Variants in EXT2 observed in about 807,000 individuals in gnomAD.
The protein encoded by EXT2 is exostosin-2.
In EXT2, 53 loss-of-function variants were observed where a neutral mutation model predicts 81.6. That is an observed-to-expected ratio of 0.65 (90% CI 0.52 to 0.82). EXT2 has a LOEUF of 0.82. Among genes scored for constraint, EXT2 ranks in the 40% least tolerant of loss-of-function variants. The pLI is 0.00. For synonymous variants in EXT2, 320 were observed against 340.0 expected, an observed-to-expected ratio of 0.94 and a Z score of 0.65; for missense variants, 774 against 910.2, an observed-to-expected ratio of 0.85 and a Z score of 1.93.
At chr11:44,181,340 G>T (rs1262846777) in intron 8 of EXT2, among the ~76,000 whole-genome samples, 2 of 152,044 alleles carry the variant, frequency 1.3e-5, no homozygotes, top group South Asian at 2.1e-4. Flanking sequence ...ATGATGATAC[G>T]CCCTGACGTG....
intron 8 of EXT2, among the ~76,000 whole-genome samples, chr11:44,189,708 A>C (rs1216418565): frequency 1.3e-5 from 2 of 152,224 alleles, no homozygotes. Flanking sequence ...TGGGGATTAC[A>C]ATTCAATGTG....
intron 7 of EXT2, among the ~76,000 whole-genome samples, chr11:44,133,529 A>G (rs1954523694): frequency 6.6e-6 from 1 of 152,210 alleles, no homozygotes; most frequent in Admixed American, 6.5e-5. Flanking sequence ...GGACAGTTGT[A>G]GCCAGCAGAG....
At chr11:44,122,107 G>A (rs552116921) in intron 4 of EXT2, among the ~76,000 whole-genome samples, 1 of 152,074 alleles carries the variant, frequency 6.6e-6, no homozygotes, top group African/African-American at 2.4e-5. Context: ...GTTTTGTGCT[G>A]TCAGCTCTAC....
chr11:44,205,195 A>G (rs1345413769), intron 9 of EXT2, among the ~76,000 whole-genome samples: 1 of 152,202 alleles, frequency 6.6e-6, no homozygotes, highest in African/African-American at 2.4e-5. Flanking sequence ...GGTTGTCAGG[A>G]GGATTGAATG....
Position 44,173,173 on chromosome 11 carries a change from G to A in EXT2, c.1305+1431G>A, listed in dbSNP as rs1367323435. Among the ~76,000 whole-genome samples the A allele has an allele frequency of 3.3e-5, 5 of 152,172 alleles. No individual in the cohort carries two copies. The East Asian group carries it at 9.6e-4, about 29-fold the overall frequency. ...AGTGCTGTGGATGCAAAGGGGACAG[G>A]CATCTCTCCTCACTGGGACACCTCC... is the stretch of plus-strand genomic sequence containing the variant. On this transcript the variant is annotated intron_variant, in intron 8 of 13. Transcript: ENST00000533608.
In EXT2 at chr11:44,220,483, C is replaced by T. The variant is rs1385636452; in HGVS notation, c.1663-11870C>T. ...GGGTTGCCATTATAGAGACTATTGT[C>T]TTTAGAAGAGAATGGGCCACAAACA... On this transcript the variant is annotated intron_variant, in intron 10 of 13. Transcript: ENST00000533608. The surrounding 1 kb of genome is among the most constrained non-coding windows in gnomAD (Gnocchi z 4.4). Among the ~76,000 whole-genome samples the T allele has an allele frequency of 6.6e-6, 1 of 152,108 alleles. No individual in the cohort carries two copies. The highest frequency in any genetic ancestry group is 6.5e-5 in the Admixed American group (1 of 15,270).
intron 8 of EXT2, among the ~76,000 whole-genome samples, chr11:44,193,794 C>G (rs1199452977): frequency 1.3e-5 from 2 of 152,214 alleles, no homozygotes; most frequent in Non-Finnish European, 2.9e-5. Flanking sequence ...CCATACCCCC[C>G]ATGCTGCCTT....
At chr11:44,214,610 C>T (rs897064946) in intron 10 of EXT2, among the ~76,000 whole-genome samples, 5 of 152,048 alleles carry the variant, frequency 3.3e-5, no homozygotes, top group Non-Finnish European at 7.3e-5. Flanking sequence ...TAAAGTCATT[C>T]GTAATATTCT....
At chr11:44,175,629 T>C (rs1955148292) in intron 8 of EXT2, among the ~76,000 whole-genome samples, 1 of 152,236 alleles carries the variant, frequency 6.6e-6, no homozygotes, top group Non-Finnish European at 1.5e-5. Flanking sequence ...TTAGAGCATG[T>C]TATCTGTGTT....
rs1953885506 is a variant in EXT2 at position 44,095,796 on chromosome 11, C to A, written c.-87C>A. The A allele has an allele frequency of 6.2e-6, 1 of 160,010 alleles. No homozygotes were observed. Among genetic ancestry groups the A allele is most frequent in the African/African-American group, 2.4e-5 (1 of 41,670 alleles). The allele number at this position is 160,010 out of a possible 1,614,324, so 9.9% of individuals were successfully genotyped here. A position where few individuals can be genotyped will look rare whatever the true frequency, so the allele number is the denominator to read the frequency against. ...GACCTGGGCGGAGGTGGCCCGCGCCCCGCGGCATGAGCCGGTGACCAAGCT... is the reference window on the plus strand; with the variant it reads ...GACCTGGGCGGAGGTGGCCCGCGCCACGCGGCATGAGCCGGTGACCAAGCT... On this transcript the variant is annotated 5_prime_UTR_variant, in exon 1 of 14. Transcript: ENST00000533608.
intron 4 of EXT2, among the ~76,000 whole-genome samples, chr11:44,122,655 T>C (rs1488194550): frequency 6.6e-6 from 1 of 152,236 alleles, no homozygotes; most frequent in Non-Finnish European, 1.5e-5. Context: ...AACCAGTCTG[T>C]ACAGCTGATC....
At chr11:44,098,119 A>G (rs1318938180) in intron 1 of EXT2, among the ~76,000 whole-genome samples, 1 of 152,052 alleles carries the variant, frequency 6.6e-6, no homozygotes, top group Non-Finnish European at 1.5e-5. Context: ...ATAAACCTTC[A>G]TTAGTAGAAG....
intron 2 of EXT2, among the ~76,000 whole-genome samples, chr11:44,108,530 T>C (rs1165162099): frequency 1.3e-5 from 2 of 152,202 alleles, no homozygotes; most frequent in African/African-American, 4.8e-5. Flanking sequence ...TCTTCATTTA[T>C]TCTTCCTTTT....
intron 7 of EXT2, among the ~76,000 whole-genome samples, chr11:44,163,464 A>G (rs1954953647): frequency 6.6e-6 from 1 of 152,236 alleles, no homozygotes; most frequent in South Asian, 2.1e-4. Flanking sequence ...TGAGCACCAA[A>G]GAGCCTGTTG....
chr11:44,123,980 G>A (rs990001782), intron 4 of EXT2, among the ~76,000 whole-genome samples: 2 of 148,408 alleles, frequency 1.3e-5, no homozygotes, highest in African/African-American at 2.5e-5. Context: ...CTTCCCATCT[G>A]GTCTCTCCAA....
chr11:44,119,683 C>A (rs115020123), intron 4 of EXT2, among the ~76,000 whole-genome samples: 1 of 152,360 alleles, frequency 6.6e-6, no homozygotes, highest in South Asian at 2.1e-4. Context: ...CTCTCCAAAT[C>A]CAAGTCTCCA....
chr11:44,136,370 C>G (rs553440643), intron 7 of EXT2, among the ~76,000 whole-genome samples: 15 of 152,308 alleles, frequency 9.8e-5, no homozygotes, highest in South Asian at 2.1e-4. Flanking sequence ...CTCCCAAGAC[C>G]ACACAGCATG....
intron 10 of EXT2, among the ~76,000 whole-genome samples, chr11:44,216,879 A>G (rs1590655807): frequency 6.7e-6 from 1 of 150,128 alleles, no homozygotes; most frequent in East Asian, 2.0e-4. Context: ...CTCTAGAATC[A>G]CTCTCCAGGA....
chr11:44,125,981 T>A (rs569858724), intron 5 of EXT2, among the ~76,000 whole-genome samples: 2 of 152,360 alleles, frequency 1.3e-5, no homozygotes, highest in Admixed American at 1.3e-4. Context: ...AATATCGAAT[T>A]CCTTTATTTC....
Sources: allele counts gnomAD v4.1 joint callset (sites outside exome capture counted in the v4.1 genomes callset), GRCh38; gene constraint gnomAD v4.1.1; non-coding constraint Gnocchi (gnomAD v3.1); transcripts MANE v1.5; gene names NCBI Gene and HGNC (gene_info 2026-07-23, HGNC 2026-07-21).